The following NRXN3 variants were observed in gnomAD, a reference collection of about 807,000 sequenced individuals.
The protein encoded by NRXN3 is neurexin III.
A neutral mutation model predicts 137.6 loss-of-function variants in NRXN3; 32 were observed. That is an observed-to-expected ratio of 0.23 (90% CI 0.18 to 0.31). The LOEUF is 0.31. Ranked by LOEUF, NRXN3 falls within the 10% of genes least tolerant of loss-of-function variation. The pLI, the probability that NRXN3 is intolerant of heterozygous loss-of-function variation, is 1.00. For missense variants in NRXN3, 1,574 were observed against 2,062.5 expected (o/e 0.76, Z 4.59); for synonymous variants, 798 against 784.5 (o/e 1.02, Z -0.29).
intron 15 of NRXN3, among the ~76,000 whole-genome samples, chr14:79,122,234 A>T (rs1173938819): frequency 6.6e-6 from 1 of 152,152 alleles, no homozygotes; most frequent in African/African-American, 2.4e-5. Context: ...CTGGTTAAGG[A>T]AACAGATTAA....
chr14:79,712,006 C>CCCCAAACTT (rs2098806192), intron 19 of NRXN3, among the ~76,000 whole-genome samples: 1 of 152,162 alleles, frequency 6.6e-6, no homozygotes, highest in South Asian at 2.1e-4. Flanking sequence ...ATGTCACTCT[C>CCCCAAACTT]CCCAAACTTC....
intron 4 of NRXN3, among the ~76,000 whole-genome samples, chr14:78,621,388 G>C (rs544192781): frequency 3.9e-5 from 6 of 152,306 alleles, no homozygotes; most frequent in Admixed American, 1.3e-4. Context: ...AAAAGAGAAA[G>C]TGGTCAGCCT....
intron 10 of NRXN3, among the ~76,000 whole-genome samples, chr14:78,925,903 C>T (rs2099288195): frequency 6.6e-6 from 1 of 152,086 alleles, no homozygotes; most frequent in Non-Finnish European, 1.5e-5. Context: ...AATAGTCGCC[C>T]ATTGTAGAGA....
chr14:78,597,620 C>T (rs950714747), intron 4 of NRXN3, among the ~76,000 whole-genome samples: 7 of 152,154 alleles, frequency 4.6e-5, no homozygotes, highest in African/African-American at 1.4e-4. Flanking sequence ...CTTAGATCCT[C>T]TGCCCGTGAA....
At chr14:78,600,647 T>C (rs2097194960) in intron 4 of NRXN3, among the ~76,000 whole-genome samples, 1 of 152,172 alleles carries the variant, frequency 6.6e-6, no homozygotes, top group Non-Finnish European at 1.5e-5. Flanking sequence ...TTCTGGACAA[T>C]CTCTACCACC....
intron 4 of NRXN3, among the ~76,000 whole-genome samples, chr14:78,622,055 T>C (rs1452608318): frequency 4.6e-5 from 7 of 152,204 alleles, no homozygotes; most frequent in Non-Finnish European, 7.3e-5. Flanking sequence ...GATTTTCTGA[T>C]TGGCAACTAA....
chr14:78,651,446 A>AAAC, intron 6 of NRXN3, 120 bp downstream of exon 6: 1 of 1,177,222 alleles, frequency 8.5e-7, no homozygotes, highest in East Asian at 2.6e-5. Flanking sequence ...ATTGCAGCAG[A>AAAC]AACAACCTTG....
At chr14:78,231,330 G>C (rs746217064) in intron 1 of NRXN3, 2 of 152,384 alleles carry the variant, frequency 1.3e-5, no homozygotes, top group Non-Finnish European at 2.9e-5. Flanking sequence ...CTAAATTGGG[G>C]TGAGGGTGTT....
At chr14:78,972,111 T>TA (rs1040082407) in intron 14 of NRXN3, among the ~76,000 whole-genome samples, 8 of 152,144 alleles carry the variant, frequency 5.3e-5, no homozygotes, top group East Asian at 1.9e-4. Context: ...GCTAGGGTTT[T>TA]AAAAAAAATC....
intron 20 of NRXN3, among the ~76,000 whole-genome samples, chr14:79,830,077 A>C (rs2293824): frequency 0.31 from 46,693 of 152,088 alleles, 7,851 homozygotes; most frequent in Admixed American, 0.43. Flanking sequence ...CTGGCATGGA[A>C]GGTTGGAGAA....
At chr14:78,330,487 T>G (rs915144034) in intron 4 of NRXN3, among the ~76,000 whole-genome samples, 1 of 152,134 alleles carries the variant, frequency 6.6e-6, no homozygotes, top group African/African-American at 2.4e-5. Flanking sequence ...CCAAACAAAT[T>G]TAAATCTTTC....
intron 4 of NRXN3, among the ~76,000 whole-genome samples, chr14:78,319,173 G>A (rs1354169765): frequency 6.6e-6 from 1 of 152,186 alleles, no homozygotes. Context: ...GGAAGTAGAT[G>A]GGAGAGCTGG....
intron 8 of NRXN3, among the ~76,000 whole-genome samples, chr14:78,736,462 A>G (rs2098541740): frequency 1.3e-5 from 2 of 152,222 alleles, no homozygotes; most frequent in Admixed American, 6.5e-5. Context: ...GTATAATAAT[A>G]TTAGCCACCA....
At chr14:78,199,345 G>A (rs1412574174) in intron 1 of NRXN3, among the ~76,000 whole-genome samples, 1 of 152,100 alleles carries the variant, frequency 6.6e-6, no homozygotes, top group East Asian at 1.9e-4. Flanking sequence ...TAGACACATG[G>A]CACTTTGAAC....
chr14:79,100,842 C>T (rs2051149835), intron 15 of NRXN3, among the ~76,000 whole-genome samples: 1 of 152,152 alleles, frequency 6.6e-6, no homozygotes, highest in South Asian at 2.1e-4. Flanking sequence ...GTTTCCGGTA[C>T]TTCTGGGCTC....
At chr14:79,655,188 G>A (rs1248436046) in intron 16 of NRXN3, among the ~76,000 whole-genome samples, 1 of 152,194 alleles carries the variant, frequency 6.6e-6, no homozygotes, top group African/African-American at 2.4e-5. Context: ...GGAGATGAAT[G>A]AAAAGACTTC....
At chr14:79,853,974 A>AT (rs759125669) in intron 20 of NRXN3, 740 of 934,640 alleles carry the variant, frequency 7.9e-4, no homozygotes, top group East Asian at 2.7e-3. Flanking sequence ...TAAAGTGCAG[A>AT]TTTTTTTTTT....
chr14:78,432,217 G>C (rs2093908463), intron 4 of NRXN3, among the ~76,000 whole-genome samples: 1 of 152,068 alleles, frequency 6.6e-6, no homozygotes, highest in African/African-American at 2.4e-5. Flanking sequence ...ATTTCCAGAT[G>C]GGAATTCTAG....
At chr14:79,189,217 A>G (rs1343865914) in intron 15 of NRXN3, among the ~76,000 whole-genome samples, 2 of 152,098 alleles carry the variant, frequency 1.3e-5, no homozygotes, top group Non-Finnish European at 2.9e-5. Context: ...ATAAAAAATG[A>G]TGAGTTCACG....
Sources: allele counts gnomAD v4.1 joint callset (sites outside exome capture counted in the v4.1 genomes callset), GRCh38; gene constraint gnomAD v4.1.1; transcripts MANE v1.5; gene names NCBI Gene and HGNC (gene_info 2026-07-23, HGNC 2026-07-21).